The following MSRA variants were observed in gnomAD, a reference collection of about 807,000 sequenced individuals.
MSRA encodes mitochondrial peptide methionine sulfoxide reductase.
MSRA carries 54 observed loss-of-function variants against 31.3 expected under a neutral mutation model. That is an observed-to-expected ratio of 1.73 (90% CI 1.39 to 2.17). MSRA has a LOEUF of 2.17. MSRA is among the 30% of genes most tolerant of loss of function. The pLI, the probability that MSRA is intolerant of heterozygous loss-of-function variation, is 0.00. For missense variants in MSRA, 507 were observed against 300.9 expected (o/e 1.69, Z -5.07); for synonymous variants, 169 against 116.5 (o/e 1.45, Z -2.90).
intron 1 of MSRA, among the ~76,000 whole-genome samples, chr8:10,165,191 T>C (rs1563171361): frequency 6.6e-6 from 1 of 152,230 alleles, no homozygotes; most frequent in South Asian, 2.1e-4. Flanking sequence ...GGCCGCCTTT[T>C]TGCTTTATAC....
At chr8:10,352,837 C>CG (rs976086949) in intron 5 of MSRA, among the ~76,000 whole-genome samples, 89 of 152,068 alleles carry the variant, frequency 5.9e-4, no homozygotes, top group African/African-American at 2.0e-3. Flanking sequence ...CAACAACAAC[C>CG]GGGGGAGAAA....
chr8:10,298,473 G>A (rs187936497), intron 3 of MSRA, among the ~76,000 whole-genome samples: 753 of 152,178 alleles, frequency 4.9e-3, no homozygotes, highest in South Asian at 8.1e-3. Flanking sequence ...CAGTGGGAGC[G>A]GGCAAGGGGA....
chr8:10,328,714 A>G (rs1357370557), intron 5 of MSRA, among the ~76,000 whole-genome samples: 2 of 152,198 alleles, frequency 1.3e-5, no homozygotes, highest in Admixed American at 6.5e-5. Flanking sequence ...TTATCACAGT[A>G]TATCTAAGAT....
chr8:10,317,496 C>T (rs1189255874), intron 4 of MSRA, among the ~76,000 whole-genome samples: 2 of 152,202 alleles, frequency 1.3e-5, no homozygotes, highest in East Asian at 3.9e-4. Context: ...GTTGTTTGTC[C>T]CTTTAAAATC....
chr8:10,078,104 G>A (rs1798085760), intron 1 of MSRA, among the ~76,000 whole-genome samples: 1 of 152,194 alleles, frequency 6.6e-6, no homozygotes, highest in South Asian at 2.1e-4. Flanking sequence ...AGCCAAATTG[G>A]GAAAATTTAG....
intron 5 of MSRA, among the ~76,000 whole-genome samples, chr8:10,404,154 G>A (rs977944728): frequency 8.6e-5 from 13 of 152,004 alleles, no homozygotes; most frequent in Admixed American, 4.6e-4. Flanking sequence ...GCATCACCTC[G>A]GCCCCTGGTC....
chr8:10,191,495 G>A (rs539164285), intron 1 of MSRA, among the ~76,000 whole-genome samples: 1 of 152,324 alleles, frequency 6.6e-6, no homozygotes, highest in African/African-American at 2.4e-5. Flanking sequence ...CCTGGATAAT[G>A]CAAATGAATA....
chr8:10,292,239 C>T (rs1800275064), intron 3 of MSRA, among the ~76,000 whole-genome samples: 1 of 152,120 alleles, frequency 6.6e-6, no homozygotes, highest in Non-Finnish European at 1.5e-5. Flanking sequence ...AGCTGGGGTC[C>T]ATACAGATGC....
rs183794448 is a variant in MSRA, at chr8:10,081,648, C to T, written c.142+26990C>T. ...GGACTTATAGGCGCCCACAACGACGCCTGACAAATCTTTGTATTTTTAGTA... is the reference window on the plus strand; with the variant it reads ...GGACTTATAGGCGCCCACAACGACGTCTGACAAATCTTTGTATTTTTAGTA... On this transcript the variant is annotated intron_variant, in intron 1 of 5. Coordinates refer to ENST00000317173, the MANE Select transcript of MSRA (RefSeq NM_012331.5). Among the ~76,000 whole-genome samples the T allele has an allele frequency of 1.1e-4, 17 of 152,210 alleles. No homozygotes were observed. The East Asian group carries it at 3.3e-3, about 29-fold the overall frequency.
chr8:10,387,421 C>A (rs185416175), intron 5 of MSRA, among the ~76,000 whole-genome samples: 2 of 152,188 alleles, frequency 1.3e-5, no homozygotes, highest in Admixed American at 6.5e-5. Flanking sequence ...CAATTGTGCA[C>A]GGGAGCCATA....
intron 1 of MSRA, among the ~76,000 whole-genome samples, chr8:10,201,641 A>T (rs1048754632): frequency 6.6e-6 from 1 of 152,266 alleles, no homozygotes; most frequent in Non-Finnish European, 1.5e-5. Flanking sequence ...AGAAAGTCAT[A>T]CAATTTGAAG....
intron 5 of MSRA, among the ~76,000 whole-genome samples, chr8:10,384,033 C>G (rs1298813649): frequency 2.0e-5 from 3 of 152,148 alleles, no homozygotes; most frequent in Non-Finnish European, 4.4e-5. Flanking sequence ...ATCCGTGACT[C>G]TGGAGCCCCC....
chr8:10,086,844 G>A (rs1285987681), intron 1 of MSRA, among the ~76,000 whole-genome samples: 6 of 151,500 alleles, frequency 4.0e-5, no homozygotes, highest in Non-Finnish European at 8.8e-5. Flanking sequence ...AGAGAGGTGG[G>A]CCAGGCAGAG....
chr8:10,239,701 G>T (rs1156486327), intron 2 of MSRA, among the ~76,000 whole-genome samples: 1 of 152,212 alleles, frequency 6.6e-6, no homozygotes, highest in Non-Finnish European at 1.5e-5. Context: ...CTGTTTTGGG[G>T]ACTAGGACCT....
chr8:10,350,390 G>A (rs769206085), intron 5 of MSRA, among the ~76,000 whole-genome samples: 10 of 152,320 alleles, frequency 6.6e-5, no homozygotes, highest in Non-Finnish European at 1.0e-4. Context: ...AGCGCCGGCC[G>A]GATGCTTCTG....
chr8:10,127,607 T>G (rs1001639190), intron 1 of MSRA, among the ~76,000 whole-genome samples: 6 of 152,216 alleles, frequency 3.9e-5, no homozygotes, highest in African/African-American at 1.4e-4. Flanking sequence ...CCAGAGATCC[T>G]TCCTGTAGCT....
At chr8:10,094,000 A>C (rs376803852) in intron 1 of MSRA, among the ~76,000 whole-genome samples, 1 of 152,172 alleles carries the variant, frequency 6.6e-6, no homozygotes. Flanking sequence ...GATTCCTTGC[A>C]CGTGATGAGT....
intron 3 of MSRA, among the ~76,000 whole-genome samples, chr8:10,276,651 C>T (rs1245759074): frequency 6.6e-6 from 1 of 152,246 alleles, no homozygotes; most frequent in Non-Finnish European, 1.5e-5. Context: ...GCATGCGTGT[C>T]TGCAAGACAA....
chr8:10,239,348 G>A (rs1015114591), intron 2 of MSRA, among the ~76,000 whole-genome samples: 3 of 152,174 alleles, frequency 2.0e-5, no homozygotes, highest in Non-Finnish European at 4.4e-5. Flanking sequence ...TTTTAGGAGA[G>A]ACGGGGTTTC....
Sources: gnomAD v4.1 joint callset for allele counts (sites outside exome capture counted in the v4.1 genomes callset) on GRCh38, gnomAD v4.1.1 for gene constraint, MANE v1.5 for transcripts, NCBI Gene and HGNC (gene_info 2026-07-23, HGNC 2026-07-21) for gene names.